Variants in CLYBL observed in about 807,000 individuals in gnomAD.
The protein encoded by CLYBL is citramalyl-CoA lyase, mitochondrial.
In CLYBL, 31 loss-of-function variants were observed where a neutral mutation model predicts 38.9. That is an observed-to-expected ratio of 0.80 (90% CI 0.60 to 1.08). CLYBL has a LOEUF of 1.08. Ranked by LOEUF, CLYBL falls within the 50% of genes least tolerant of loss-of-function variation. The pLI is 0.00. For synonymous variants in CLYBL, 171 were observed against 158.6 expected (o/e 1.08, Z -0.59); for missense variants, 434 against 411.6 (o/e 1.05, Z -0.47).
intron 1 of CLYBL, among the ~76,000 whole-genome samples, chr13:99,675,850 C>T (rs564117499): frequency 1.3e-5 from 2 of 152,066 alleles, no homozygotes; most frequent in African/African-American, 4.8e-5. Flanking sequence ...CATTTCTGTA[C>T]ACATTGTTGT....
intron 1 of CLYBL, among the ~76,000 whole-genome samples, chr13:99,683,966 T>C (rs1373504449): frequency 1.3e-5 from 2 of 150,200 alleles, no homozygotes; most frequent in Non-Finnish European, 3.0e-5. Context: ...CCTCCCAGGT[T>C]CATGCCATTC....
chr13:99,783,546 T>A (rs902001287), intron 2 of CLYBL, among the ~76,000 whole-genome samples: 1 of 151,832 alleles, frequency 6.6e-6, no homozygotes, highest in Non-Finnish European at 1.5e-5. Context: ...AAGCACCGCC[T>A]CCTGGGTTCA....
At chr13:99,905,383 T>G (rs1198892196) in exon 9 of CLYBL, among the ~76,000 whole-genome samples, 1 of 152,258 alleles carries the variant, frequency 6.6e-6, no homozygotes, top group Non-Finnish European at 1.5e-5. Flanking sequence ...ACACATTTAC[T>G]GAGCTTCTGT....
chr13:99,732,647 C>A (rs1239223463), intron 1 of CLYBL, among the ~76,000 whole-genome samples: 1 of 152,028 alleles, frequency 6.6e-6, no homozygotes, highest in African/African-American at 2.4e-5. Flanking sequence ...AGGGAACATA[C>A]CTATTAACTC....
At chr13:99,644,979 T>C (rs1015938994) in intron 1 of CLYBL, among the ~76,000 whole-genome samples, 1 of 152,246 alleles carries the variant, frequency 6.6e-6, no homozygotes, top group Non-Finnish European at 1.5e-5. Flanking sequence ...GCAATAAACA[T>C]GGGAGTGCAG....
At chr13:99,714,820 G>A (rs1364837670) in intron 1 of CLYBL, among the ~76,000 whole-genome samples, 1 of 151,716 alleles carries the variant, frequency 6.6e-6, no homozygotes, top group Non-Finnish European at 1.5e-5. Flanking sequence ...ATGGTGGCGG[G>A]TGCCTGTAAT....
chr13:99,620,258 T>C (rs547394536), intron 1 of CLYBL, among the ~76,000 whole-genome samples: 1 of 152,356 alleles, frequency 6.6e-6, no homozygotes, highest in Admixed American at 6.5e-5. Context: ...TACCTGATTT[T>C]GGCCTACATT....
At chr13:99,713,824 C>T (rs558448986) in intron 1 of CLYBL, among the ~76,000 whole-genome samples, 2 of 149,488 alleles carry the variant, frequency 1.3e-5, no homozygotes, top group South Asian at 4.3e-4. Context: ...GCTGGGACTA[C>T]AGGCACAAGA....
At position 99,676,186 on chromosome 13, in the gene CLYBL, G is replaced by GTCCGTCCCTTCCTTCCTTCCTTCCT. The variant is rs1459044000; in HGVS notation, c.62+69432_62+69433insGTCCCTTCCTTCCTTCCTTCCTTCC. On this transcript the variant is annotated intron_variant, in intron 1 of 8. Transcript: ENST00000339105. Reference sequence around the variant, plus strand: ...CTGGCTTCCTTCCTTCCCTCCGTCCGTCCTTCCTTCCTTCCTTCCTTCCTT... The same window carrying GTCCGTCCCTTCCTTCCTTCCTTCCT: ...CTGGCTTCCTTCCTTCCCTCCGTCCGTCCGTCCCTTCCTTCCTTCCTTCCTTCCTTCCTTCCTTCCTTCCTTCCTT... Among the ~76,000 whole-genome samples, 50 of 132,994 alleles carry GTCCGTCCCTTCCTTCCTTCCTTCCT rather than the reference G, an allele frequency of 3.8e-4. 1 individual carries two copies. The highest frequency in any genetic ancestry group is 3.2e-4 in the Non-Finnish European group (20 of 62,372). The allele number at this position is 132,994 out of a possible 152,430, so 87.2% of individuals were successfully genotyped here.
In CLYBL at chr13:99,684,035, A is replaced by ATTTTT. The variant is rs778902077; in HGVS notation, c.62+77292_62+77296dup. ...AGGCGCATGCCACCATGCCTGGCTA[A>ATTTTT]TTTTTTTTTTTTTTTTTTGTATTTT... On this transcript the variant is annotated intron_variant, in intron 1 of 8. Coordinates refer to ENST00000339105, the MANE Select transcript of CLYBL (RefSeq NM_206808.5). Among the ~76,000 whole-genome samples the ATTTTT allele has an allele frequency of 8.5e-4, 73 of 86,356 alleles. 1 individual carries two copies. The highest frequency in any genetic ancestry group is 8.8e-3 in the Middle Eastern group (1 of 114). 56.7% of individuals were successfully genotyped at this position (86,356 alleles called of 152,430 possible). A position where few individuals can be genotyped will look rare whatever the true frequency, so the allele number is the denominator to read the frequency against.
intron 2 of CLYBL, among the ~76,000 whole-genome samples, chr13:99,825,318 G>T (rs2050674414): frequency 6.6e-6 from 1 of 152,076 alleles, no homozygotes; most frequent in South Asian, 2.1e-4. Context: ...CTGTAAAATG[G>T]GAATAATATC....
At chr13:99,658,525 C>G (rs1157126310) in intron 1 of CLYBL, among the ~76,000 whole-genome samples, 2 of 152,178 alleles carry the variant, frequency 1.3e-5, no homozygotes, top group Non-Finnish European at 2.9e-5. Context: ...ACGCCGGCCT[C>G]CCCTCCTTTC....
At chr13:99,897,150 GC>G (rs531180213), downstream of CLYBL, 2 of 152,282 alleles carry the variant, frequency 1.3e-5, no homozygotes, top group Non-Finnish European at 2.9e-5. Context: ...TTTGAAACCA[GC>G]CACTTTTTCC....
chr13:99,740,521 C>T (rs898711693), intron 1 of CLYBL, among the ~76,000 whole-genome samples: 8 of 152,204 alleles, frequency 5.3e-5, no homozygotes, highest in Non-Finnish European at 7.3e-5. Context: ...TTACTCATTT[C>T]CCCTCTCCGT....
At chr13:99,697,006 A>G (rs1480033798) in intron 1 of CLYBL, among the ~76,000 whole-genome samples, 2 of 152,106 alleles carry the variant, frequency 1.3e-5, no homozygotes, top group Non-Finnish European at 2.9e-5. Context: ...TTCTGCTGCT[A>G]CTGCTTTTCC....
intron 2 of CLYBL, among the ~76,000 whole-genome samples, chr13:99,850,539 GATGTGGAGAAATATGA>G (rs1400622146): frequency 6.6e-6 from 1 of 152,208 alleles, no homozygotes; most frequent in Non-Finnish European, 1.5e-5. Context: ...TGTTGGTGAG[GATGTGGAGAAATATGA>G]ATCCTGGTGC....
intron 1 of CLYBL, among the ~76,000 whole-genome samples, chr13:99,764,262 T>G (rs188873830): frequency 3.5e-4 from 53 of 152,022 alleles, no homozygotes; most frequent in Non-Finnish European, 5.6e-4. Flanking sequence ...GACATGGTTT[T>G]GCCATGTTGC....
At chr13:99,877,630 GC>G in intron 7 of CLYBL, 1 of 325,664 alleles carries the variant, frequency 3.1e-6, no homozygotes, top group Non-Finnish European at 5.7e-6. Context: ...AGGCTGGAGT[GC>G]AATGGCGTGA....
At chr13:99,787,809 A>T (rs1398563074) in intron 2 of CLYBL, among the ~76,000 whole-genome samples, 6 of 152,116 alleles carry the variant, frequency 3.9e-5, no homozygotes, top group Non-Finnish European at 5.9e-5. Context: ...CATTTTCACG[A>T]TAAGATTCTT....
Sources: gnomAD v4.1 joint callset for allele counts (sites outside exome capture counted in the v4.1 genomes callset) on GRCh38, gnomAD v4.1.1 for gene constraint, MANE v1.5 for transcripts, NCBI Gene and HGNC (gene_info 2026-07-23, HGNC 2026-07-21) for gene names.